Variants in CEP70 observed in about 807,000 individuals in gnomAD.
CEP70 encodes centrosomal protein 70.
In CEP70, 70 loss-of-function variants were observed where a neutral mutation model predicts 90.9. The ratio of observed to expected loss-of-function variants is 0.77; its 90% CI spans 0.64 to 0.94. The LOEUF is 0.94. Among genes scored for constraint, CEP70 ranks in the 40% least tolerant of loss-of-function variants. The pLI is 0.00. For missense variants in CEP70, 648 were observed against 669.0 expected (o/e 0.97, Z 0.35); for synonymous variants, 220 against 228.3 (o/e 0.96, Z 0.33).
At position 138,571,034 on chromosome 3, in the gene CEP70, C is replaced by T. The variant is rs780832852; in HGVS notation, c.284G>A (p.Arg95Lys). 10 of 1,569,012 alleles carry T rather than the reference C, an allele frequency of 6.4e-6. No homozygotes were observed. Among genetic ancestry groups the T allele is most frequent in the Non-Finnish European group, 7.7e-6 (9 of 1,161,294 alleles). Residue 95 changes from arginine (R) to lysine (K), a missense_variant and splice_region_variant, in exon 5 of 18, where the codon AGA becomes AAA. By Grantham distance (26) the Arg-to-Lys change is conservative (BLOSUM62 2). Coordinates refer to ENST00000264982, the MANE Select transcript of CEP70 (RefSeq NM_024491.4). The stretch of plus-strand genomic sequence containing the variant: ...AAAGAAATCTTTTCCATTTTCTCAC[C>T]TAAGCTGTTGATTAGTTTCTATAAG... ...QELIETNQQL[R>K]NELQLEQSRA...
chr3:138,500,001 G>C, intron 16 of CEP70, 109 bp downstream of exon 16: 1 of 751,356 alleles, frequency 1.3e-6, no homozygotes, highest in Non-Finnish European at 2.4e-6. Context: ...TAAACTCCTG[G>C]GTTCAAGTGA....
chr3:138,563,299 A>G (rs1449437337), intron 6 of CEP70, among the ~76,000 whole-genome samples: 2 of 152,178 alleles, frequency 1.3e-5, no homozygotes, highest in African/African-American at 4.8e-5. Flanking sequence ...AATGAGACAG[A>G]TAATTAACAA....
chr3:138,571,176 T>A lies in CEP70; in HGVS notation c.161-19A>T. On this transcript the variant is annotated intron_variant, in intron 4 of 17. Coordinates refer to ENST00000264982, the MANE Select transcript of CEP70 (RefSeq NM_024491.4). ...ATGAGATCTACATTTAAAAAGTATA[T>A]AATACAGATAGTAAAAATAAAAGGC... 1 of 1,556,646 alleles carries A rather than the reference T, an allele frequency of 6.4e-7. No individual in the cohort carries two copies. The highest frequency in any genetic ancestry group is 1.2e-5 in the South Asian group (1 of 83,464).
intron 11 of CEP70, among the ~76,000 whole-genome samples, chr3:138,510,258 A>G (rs534694464): frequency 6.6e-6 from 1 of 151,742 alleles, no homozygotes; most frequent in African/African-American, 2.4e-5. Context: ...TACTAAAAAA[A>G]AAAAAAAGAA....
At chr3:138,593,245 C>CA (rs1560478884) in intron 1 of CEP70, among the ~76,000 whole-genome samples, 1 of 152,130 alleles carries the variant, frequency 6.6e-6, no homozygotes, top group African/African-American at 2.4e-5. Context: ...ATTTTTGAGA[C>CA]AGAGTCTCGC....
At chr3:138,510,953 C>A (rs571628672) in intron 11 of CEP70, among the ~76,000 whole-genome samples, 1 of 151,392 alleles carries the variant, frequency 6.6e-6, no homozygotes. Context: ...CTCTGCCTCC[C>A]GGGTTCAAAC....
intron 2 of CEP70, among the ~76,000 whole-genome samples, chr3:138,576,161 C>T (rs371304269): frequency 1.4e-4 from 22 of 152,170 alleles, no homozygotes; most frequent in South Asian, 1.2e-3. Flanking sequence ...ACTGGCAAAT[C>T]GGATAAAGAG....
intron 2 of CEP70, among the ~76,000 whole-genome samples, chr3:138,587,737 C>T (rs2042176132): frequency 6.6e-6 from 1 of 152,126 alleles, no homozygotes; most frequent in Non-Finnish European, 1.5e-5. Context: ...GATTGTGCCA[C>T]TGCACTCTAG....
chr3:138,537,397 T>G (rs1291983880), intron 6 of CEP70, 50 bp from the exon 7 acceptor site: 1 of 1,283,918 alleles, frequency 7.8e-7, no homozygotes, highest in Non-Finnish European at 1.1e-6. Context: ...ATCTAGGACA[T>G]GCTATCCTAA....
intron 6 of CEP70, among the ~76,000 whole-genome samples, chr3:138,563,217 A>G (rs1229575568): frequency 6.6e-6 from 1 of 152,182 alleles, no homozygotes; most frequent in African/African-American, 2.4e-5. Context: ...TTAGAGACCT[A>G]CAAAGAGACT....
chr3:138,550,305 C>A (rs963826434), intron 6 of CEP70, among the ~76,000 whole-genome samples: 4 of 152,054 alleles, frequency 2.6e-5, no homozygotes, highest in African/African-American at 9.7e-5. Flanking sequence ...TTAAAAAATT[C>A]AAAAAATGAT....
intron 7 of CEP70, among the ~76,000 whole-genome samples, 189 bp from the exon 8 acceptor site, chr3:138,532,759 G>A (rs2037938956): frequency 6.6e-6 from 1 of 152,140 alleles, no homozygotes; most frequent in South Asian, 2.1e-4. Flanking sequence ...TAATTTCAAA[G>A]TATAGATTTA....
At chr3:138,512,318 T>C (rs1304695158) in intron 11 of CEP70, among the ~76,000 whole-genome samples, 1 of 152,214 alleles carries the variant, frequency 6.6e-6, no homozygotes, top group East Asian at 1.9e-4. Flanking sequence ...TAGCAAAGCT[T>C]GCCCCTTTCC....
chr3:138,571,819 C>T (rs1025912316), intron 3 of CEP70, among the ~76,000 whole-genome samples: 1 of 152,172 alleles, frequency 6.6e-6, no homozygotes, highest in Non-Finnish European at 1.5e-5. Flanking sequence ...TGCTCTGTCA[C>T]CTAGGCTGGA....
chr3:138,560,667 G>T (rs372124523), intron 6 of CEP70, among the ~76,000 whole-genome samples: 8 of 152,220 alleles, frequency 5.3e-5, no homozygotes, highest in African/African-American at 1.7e-4. Flanking sequence ...GTCAACCTGG[G>T]ACACTTGAGC....
At chr3:138,558,289 T>C (rs940028352) in intron 6 of CEP70, among the ~76,000 whole-genome samples, 3 of 152,076 alleles carry the variant, frequency 2.0e-5, no homozygotes, top group Non-Finnish European at 4.4e-5. Context: ...CATGTGAACC[T>C]GGGAGGTGGA....
chr3:138,499,548 T>A (rs1223834348), intron 16 of CEP70, among the ~76,000 whole-genome samples: 3 of 152,220 alleles, frequency 2.0e-5, no homozygotes, highest in African/African-American at 7.2e-5. Context: ...ACCTTCTTTA[T>A]AGGCCTTACA....
intron 1 of CEP70, 198 bp downstream of exon 1, chr3:138,594,000 G>C (rs947025203): frequency 6.6e-6 from 1 of 152,328 alleles, no homozygotes; most frequent in Non-Finnish European, 1.5e-5. Context: ...ACAAAGCCTG[G>C]GGAGCTGGGA....
intron 6 of CEP70, among the ~76,000 whole-genome samples, chr3:138,565,854 C>T (rs561237723): frequency 1.3e-5 from 2 of 152,106 alleles, no homozygotes; most frequent in Admixed American, 6.5e-5. Flanking sequence ...AGCTTCTGCA[C>T]AGCAAAAGAA....
Sources: allele counts gnomAD v4.1 joint callset (sites outside exome capture counted in the v4.1 genomes callset), GRCh38; gene constraint gnomAD v4.1.1; transcripts MANE v1.5; gene names NCBI Gene and HGNC (gene_info 2026-07-23, HGNC 2026-07-21).